PMFBP1: variants seen among roughly 807,000 people sequenced by gnomAD.
PMFBP1 encodes the protein polyamine modulated factor 1 binding protein 1, also known as polyamine-modulated factor 1-binding protein 1.
In PMFBP1, 131 loss-of-function variants were observed where a neutral mutation model predicts 137.8. That is an observed-to-expected ratio of 0.95 (90% CI 0.82 to 1.10). The LOEUF (loss-of-function observed/expected upper bound fraction) is 1.10. Among genes scored for constraint, PMFBP1 ranks in the 50% least tolerant of loss-of-function variants. The probability of loss-of-function intolerance (pLI) is 0.00; values close to 1 mark genes in which losing one functional copy is unlikely to be tolerated. For missense variants in PMFBP1, 1,199 were observed against 1,175.4 expected (o/e 1.02, Z -0.29); for synonymous variants, 490 against 450.4 (o/e 1.09, Z -1.11).
At chr16:72,238,903 T>C in the PMFBP1 span, among the ~76,000 whole-genome samples, 1 of 152,232 alleles carries the variant, frequency 6.6e-6, no homozygotes, top group African/African-American at 2.4e-5. Context: ...GGGCCAGGGA[T>C]GGTGCTAAAC....
chr16:72,186,415 T>C, the PMFBP1 span, among the ~76,000 whole-genome samples: 1 of 152,268 alleles, frequency 6.6e-6, no homozygotes, highest in African/African-American at 2.4e-5. Flanking sequence ...AGATGGGCTA[T>C]ATTCTAAGAT....
intron 10 of PMFBP1, among the ~76,000 whole-genome samples, chr16:72,131,770 G>C (rs1172077535): frequency 6.6e-6 from 1 of 152,208 alleles, no homozygotes; most frequent in Non-Finnish European, 1.5e-5. Flanking sequence ...AGCATTAAAG[G>C]AGGGTGAGGA....
the PMFBP1 span, among the ~76,000 whole-genome samples, chr16:72,192,009 G>C: frequency 1.3e-5 from 2 of 152,194 alleles, no homozygotes; most frequent in East Asian, 3.8e-4. Flanking sequence ...ATGCGTGTGT[G>C]TGATCCCCTG....
the PMFBP1 span, among the ~76,000 whole-genome samples, chr16:72,232,686 A>G: frequency 6.6e-6 from 1 of 152,156 alleles, no homozygotes; most frequent in Non-Finnish European, 1.5e-5. Context: ...TGAAGAGGAT[A>G]AGTATTAACT....
the PMFBP1 span, among the ~76,000 whole-genome samples, chr16:72,249,679 G>C: frequency 6.6e-6 from 1 of 151,648 alleles, no homozygotes; most frequent in Non-Finnish European, 1.5e-5. Flanking sequence ...CACGTTGAGA[G>C]GCTTAGGCAG....
At chr16:72,204,561 C>G in the PMFBP1 span, among the ~76,000 whole-genome samples, 1 of 152,158 alleles carries the variant, frequency 6.6e-6, no homozygotes, top group Non-Finnish European at 1.5e-5. Flanking sequence ...GGAGCACAGT[C>G]TGGATCATTT....
At chr16:72,218,209 G>C in the PMFBP1 span, among the ~76,000 whole-genome samples, 1 of 152,172 alleles carries the variant, frequency 6.6e-6, no homozygotes, top group African/African-American at 2.4e-5. Context: ...GAATTAGTGG[G>C]AGACACTCAA....
At chr16:72,201,138 T>C in the PMFBP1 span, among the ~76,000 whole-genome samples, 4 of 152,202 alleles carry the variant, frequency 2.6e-5, no homozygotes, top group Admixed American at 1.3e-4. Flanking sequence ...CACCATTGCT[T>C]TCCCAGCTCT....
At chr16:72,148,457 CAT>C (rs1160293577) in intron 5 of PMFBP1, among the ~76,000 whole-genome samples, 1 of 152,144 alleles carries the variant, frequency 6.6e-6, no homozygotes, top group African/African-American at 2.4e-5. Flanking sequence ...CAACATGGCA[CAT>C]GTTTACCTAT....
chr16:72,192,186 G>A, the PMFBP1 span, among the ~76,000 whole-genome samples: 44 of 152,256 alleles, frequency 2.9e-4, no homozygotes, highest in Admixed American at 1.4e-3. Context: ...GGGAAGGAGA[G>A]AGAAAGAAAG....
chr16:72,233,715 T>C, the PMFBP1 span, among the ~76,000 whole-genome samples: 18 of 152,278 alleles, frequency 1.2e-4, 1 homozygote, highest in African/African-American at 3.6e-4. Flanking sequence ...AGAAATCTTA[T>C]ACCTATCGGC....
chr16:72,121,099 C>G (rs1009781152), intron 19 of PMFBP1, among the ~76,000 whole-genome samples: 1 of 152,198 alleles, frequency 6.6e-6, no homozygotes, highest in African/African-American at 2.4e-5. Flanking sequence ...CTGAAGTTAT[C>G]TGTTACCTTG....
intron 5 of PMFBP1, among the ~76,000 whole-genome samples, chr16:72,141,327 A>G (rs761285782): frequency 2.0e-5 from 3 of 152,168 alleles, no homozygotes; most frequent in Non-Finnish European, 4.4e-5. Flanking sequence ...TTGTTGATCT[A>G]TCTTACTCCT....
chr16:72,192,334 C>T, the PMFBP1 span, among the ~76,000 whole-genome samples: 1 of 152,150 alleles, frequency 6.6e-6, no homozygotes, highest in African/African-American at 2.4e-5. Context: ...GGTCCCAATT[C>T]AACTGTTATA....
intron 6 of PMFBP1, among the ~76,000 whole-genome samples, chr16:72,139,722 G>T (rs1323228700): frequency 2.0e-5 from 3 of 152,120 alleles, no homozygotes; most frequent in Non-Finnish European, 4.4e-5. Flanking sequence ...ATCTATCAGA[G>T]GACAGGATAC....
intron 2 of PMFBP1, 96 bp downstream of exon 2, chr16:72,171,101 G>T (rs2043214280): frequency 7.2e-7 from 1 of 1,393,516 alleles, no homozygotes. Context: ...GATATTTTGT[G>T]ATGCTTATTA....
the PMFBP1 span, among the ~76,000 whole-genome samples, chr16:72,194,193 ATC>A: frequency 6.6e-6 from 1 of 152,160 alleles, no homozygotes; most frequent in Non-Finnish European, 1.5e-5. Context: ...TTATTTCAAC[ATC>A]TATATTTAAA....
chr16:72,171,289 A>G (rs983177440), intron 1 of PMFBP1, 21 bp from the exon 2 acceptor site: 1 of 1,450,642 alleles, frequency 6.9e-7, no homozygotes, highest in Non-Finnish European at 9.6e-7. Flanking sequence ...CCAAGTATTT[A>G]AGATGGAAAA....
At chr16:72,143,823 C>G (rs1408971527) in intron 5 of PMFBP1, among the ~76,000 whole-genome samples, 2 of 151,622 alleles carry the variant, frequency 1.3e-5, no homozygotes, top group African/African-American at 2.4e-5. Context: ...GGCAGATCAC[C>G]TGAGGTCAGG....
Sources: allele counts gnomAD v4.1 joint callset (sites outside exome capture counted in the v4.1 genomes callset), GRCh38; gene constraint gnomAD v4.1.1; transcripts MANE v1.5; gene names NCBI Gene and HGNC (gene_info 2026-07-23, HGNC 2026-07-21).